The following COL28A1 variants were observed in gnomAD, a reference collection of about 807,000 sequenced individuals.
The protein encoded by COL28A1 is collagen type XXVIII alpha 1 chain.
Under a neutral mutation model 150.2 loss-of-function variants are expected in COL28A1, and 161 were observed. The ratio of observed to expected loss-of-function variants is 1.07; its 90% CI spans 0.94 to 1.22. COL28A1 has a LOEUF of 1.22. Ranked by LOEUF, COL28A1 falls within the 50% of genes most tolerant of loss-of-function variation. The pLI, the probability that COL28A1 is intolerant of heterozygous loss-of-function variation, is 0.00. For missense variants in COL28A1, 1,617 were observed against 1,388.3 expected (o/e 1.16, Z -2.62); for synonymous variants, 552 against 469.7 (o/e 1.18, Z -2.26).
At chr7:7,517,646 A>C (rs1002630147) in intron 7 of COL28A1, 150 bp downstream of exon 7, 1 of 1,110,370 alleles carries the variant, frequency 9.0e-7, no homozygotes, top group Non-Finnish European at 1.3e-6. Flanking sequence ...TTCTAAGATC[A>C]TATCTTTCTG....
intron 19 of COL28A1, among the ~76,000 whole-genome samples, chr7:7,443,986 GTTT>G (rs71010980): frequency 4.8e-4 from 46 of 95,550 alleles, no homozygotes; most frequent in African/African-American, 1.8e-3. Flanking sequence ...TCCATCTGCT[GTTT>G]TTTTTTTTTT....
intron 14 of COL28A1, among the ~76,000 whole-genome samples, chr7:7,476,816 T>A (rs1788928458): frequency 6.6e-6 from 1 of 152,228 alleles, no homozygotes; most frequent in Non-Finnish European, 1.5e-5. Context: ...CTTCTGGGCA[T>A]AAGGATGTTA....
chr7:7,369,824 A>G (rs1781123456), intron 33 of COL28A1, among the ~76,000 whole-genome samples: 2 of 152,160 alleles, frequency 1.3e-5, no homozygotes, highest in Admixed American at 6.5e-5. Context: ...CATGCTCATG[A>G]TCACTCTTTC....
chr7:7,477,748 A>G (rs922305549), intron 13 of COL28A1, among the ~76,000 whole-genome samples: 1 of 152,216 alleles, frequency 6.6e-6, no homozygotes, highest in Non-Finnish European at 1.5e-5. Context: ...CAAACAGCAA[A>G]AGAACAAAGC....
Position 7,396,115 on chromosome 7 carries a change from C to T in COL28A1, c.2137-14503G>A, listed in dbSNP as rs762665686. 1.4e-3 allele frequency among the ~76,000 whole-genome samples: 215 copies of T among 152,158 alleles called. 6 individuals are homozygous for T. The highest frequency in any genetic ancestry group is 4.1e-4 in the Non-Finnish European group (28 of 68,036). ...GTAAAGGTATTTCTCATTAGCCTTT[C>T]TAGTACATAAAATTATACATATTGA... On this transcript the variant is annotated intron_variant, in intron 27 of 34. Coordinates refer to ENST00000399429, the MANE Select transcript of COL28A1 (RefSeq NM_001037763.3).
chr7:7,426,245 C>G (rs959545526), intron 25 of COL28A1, among the ~76,000 whole-genome samples: 4 of 152,176 alleles, frequency 2.6e-5, no homozygotes, highest in African/African-American at 9.7e-5. Flanking sequence ...ATGATAGCAG[C>G]TGCCTTATGT....
intron 27 of COL28A1, among the ~76,000 whole-genome samples, chr7:7,401,640 C>T (rs1783212196): frequency 6.6e-6 from 1 of 152,052 alleles, no homozygotes; most frequent in South Asian, 2.1e-4. Context: ...ATGCAACCAC[C>T]CCTTATCACT....
chr7:7,419,876 A>T lies in COL28A1; in HGVS notation c.2067+9T>A, dbSNP rs768337977. ...GACCCTCACACAAAGCACTGAGCTG[A>T]GGACTCACCTTTGGCCCTTGGGTTC... On this transcript the variant is annotated intron_variant, in intron 26 of 34. Coordinates refer to ENST00000399429, the MANE Select transcript of COL28A1 (RefSeq NM_001037763.3). 13 of 1,583,620 alleles carry T rather than the reference A, an allele frequency of 8.2e-6. No individual in the cohort carries two copies. The Admixed American group carries it at 2.4e-4, about 29-fold the overall frequency.
At position 7,515,040 on chromosome 7, in the gene COL28A1, G is replaced by A. The variant is rs148511785; in HGVS notation, c.882+774C>T. Reference sequence around the variant, plus strand: ...TCCATGAGAAGCAGGGAGGCCAGAGGAGACTCAGAGCTGGACCCTCTAAAG... The same window carrying A: ...TCCATGAGAAGCAGGGAGGCCAGAGAAGACTCAGAGCTGGACCCTCTAAAG... On this transcript the variant is annotated intron_variant, in intron 8 of 34. Transcript: ENST00000399429. Among the ~76,000 whole-genome samples, 3 of 152,286 alleles carry A rather than the reference G, an allele frequency of 2.0e-5. No homozygotes were observed. In the East Asian group the frequency reaches 5.8e-4, roughly 29 times the overall value.
the COL28A1 span, among the ~76,000 whole-genome samples, chr7:7,344,079 CAT>C: frequency 6.6e-6 from 1 of 151,860 alleles, no homozygotes; most frequent in African/African-American, 2.4e-5. Context: ...TCTTACATTA[CAT>C]ATAGTTTAGT....
chr7:7,522,845 C>T (rs1175400317), intron 4 of COL28A1, among the ~76,000 whole-genome samples: 1 of 115,424 alleles, frequency 8.7e-6, no homozygotes, highest in East Asian at 2.6e-4. Flanking sequence ...AAGGGCCGTG[C>T]ATACATTTTA....
chr7:7,365,201 T>C (rs1052979294), intron 33 of COL28A1, among the ~76,000 whole-genome samples: 12 of 39,256 alleles, frequency 3.1e-4, no homozygotes, highest in East Asian at 3.2e-3. Context: ...AATGGAAACA[T>C]TGGTTACTTC....
At chr7:7,511,051 G>T in intron 9 of COL28A1, 40 bp downstream of exon 9, 1 of 1,567,986 alleles carries the variant, frequency 6.4e-7, no homozygotes, top group Non-Finnish European at 8.8e-7. Context: ...CAACCCAAAA[G>T]GGATCACAGC....
chr7:7,473,838 AGT>A (rs199757643), intron 15 of COL28A1, among the ~76,000 whole-genome samples: 2 of 151,506 alleles, frequency 1.3e-5, no homozygotes, highest in Non-Finnish European at 2.9e-5. Context: ...TATATATTAC[AGT>A]GTGTGTGTTT....
intron 27 of COL28A1, among the ~76,000 whole-genome samples, chr7:7,383,085 T>C (rs1015572611): frequency 6.6e-6 from 1 of 152,104 alleles, no homozygotes; most frequent in African/African-American, 2.4e-5. Flanking sequence ...TAAACACCTA[T>C]CTACCACGTT....
intron 21 of COL28A1, among the ~76,000 whole-genome samples, chr7:7,439,640 T>A (rs1026567058): frequency 3.9e-5 from 6 of 152,188 alleles, no homozygotes; most frequent in African/African-American, 1.4e-4. Context: ...CAGAAAAATG[T>A]TCACTTTGAA....
intron 25 of COL28A1, among the ~76,000 whole-genome samples, chr7:7,423,815 C>G (rs918946539): frequency 2.0e-5 from 3 of 152,160 alleles, no homozygotes; most frequent in African/African-American, 7.2e-5. Flanking sequence ...GCTATTCATT[C>G]TCTCCTTCAC....
chr7:7,500,960 T>A (rs1780490013), intron 11 of COL28A1, among the ~76,000 whole-genome samples: 1 of 152,156 alleles, frequency 6.6e-6, no homozygotes, highest in South Asian at 2.1e-4. Context: ...TCTTCAAACA[T>A]GGTTGTAGTT....
At chr7:7,442,082 A>G (rs1160527197) in intron 20 of COL28A1, among the ~76,000 whole-genome samples, 3 of 152,194 alleles carry the variant, frequency 2.0e-5, no homozygotes, top group Non-Finnish European at 4.4e-5. Flanking sequence ...ACCATGGTAT[A>G]CCTGGGCTAT....
Sources: allele counts gnomAD v4.1 joint callset (sites outside exome capture counted in the v4.1 genomes callset), GRCh38; gene constraint gnomAD v4.1.1; transcripts MANE v1.5; gene names NCBI Gene and HGNC (gene_info 2026-07-23, HGNC 2026-07-21).